The following IL1RAPL2 variants were observed in gnomAD, a reference collection of about 807,000 sequenced individuals.
IL1RAPL2 encodes interleukin 1 receptor accessory protein like 2, also known as X-linked interleukin-1 receptor accessory protein-like 2.
Under a neutral mutation model 44.1 loss-of-function variants are expected in IL1RAPL2, and 3 were observed. That is an observed-to-expected ratio of 0.07 (90% CI 0.03 to 0.18). The LOEUF is 0.18. Ranked by LOEUF, IL1RAPL2 falls within the 10% of genes least tolerant of loss-of-function variation. IL1RAPL2 has a pLI of 1.00. For synonymous variants in IL1RAPL2, 181 were observed against 178.8 expected (o/e 1.01, Z -0.10); for missense variants, 391 against 496.4 (o/e 0.79, Z 2.02).
Position 104,582,719 on chromosome X carries a change from TTC to T in IL1RAPL2, c.-20+15679_-20+15680del, listed in dbSNP as rs759634601. ...CTCTCTCTCTCCTTTATTTCTTTCT[TTC>T]TCTCTCTCTCCCTTCCTTCCTTCCT... On this transcript the variant is annotated intron_variant, in intron 1 of 10. Transcript: ENST00000372582. Among the ~76,000 whole-genome samples, 402 of 95,414 alleles carry T rather than the reference TTC, an allele frequency of 4.2e-3. 2 individuals carry two copies. The highest frequency in any genetic ancestry group is 0.015 in the African/African-American group (377 of 24,570). The allele number at this position is 95,414 out of a possible 115,157, so 82.9% of individuals were successfully genotyped here.
chrX:105,352,097 A>G (rs1489942616), intron 5 of IL1RAPL2, among the ~76,000 whole-genome samples: 2 of 102,438 alleles, frequency 2.0e-5, no homozygotes, highest in Non-Finnish European at 3.8e-5. Context: ...TAATTTAAAA[A>G]ACAATTTTTT....
At chrX:104,945,861 CT>C (rs1487579032) in intron 2 of IL1RAPL2, among the ~76,000 whole-genome samples, 9 of 110,251 alleles carry the variant, frequency 8.2e-5, no homozygotes, top group Non-Finnish European at 1.7e-4. Flanking sequence ...CTATATAGAC[CT>C]TTTTTGAACT....
At chrX:105,520,195 T>G (rs1030552576) in intron 6 of IL1RAPL2, among the ~76,000 whole-genome samples, 1 of 111,755 alleles carries the variant, frequency 8.9e-6, no homozygotes, top group South Asian at 3.7e-4. Flanking sequence ...GAATTAAGTG[T>G]TGGGAATGGA....
At chrX:105,738,277 C>T (rs891571075) in intron 7 of IL1RAPL2, among the ~76,000 whole-genome samples, 4 of 111,657 alleles carry the variant, frequency 3.6e-5, no homozygotes, top group Non-Finnish European at 7.5e-5. Flanking sequence ...CCCATTTTAC[C>T]CTTACAACAA....
intron 2 of IL1RAPL2, among the ~76,000 whole-genome samples, chrX:105,157,670 C>T (rs771244295): frequency 8.9e-6 from 1 of 111,834 alleles, no homozygotes; most frequent in South Asian, 3.7e-4. Context: ...TAGAAAAGCA[C>T]TTAGACAGAT....
chrX:104,643,173 C>T (rs1929967921), intron 1 of IL1RAPL2, among the ~76,000 whole-genome samples: 1 of 111,399 alleles, frequency 9.0e-6, no homozygotes, highest in Non-Finnish European at 1.9e-5. Context: ...TGTTGATCAG[C>T]AAAAGGGGGA....
intron 6 of IL1RAPL2, among the ~76,000 whole-genome samples, chrX:105,520,006 A>G (rs1470423780): frequency 2.7e-5 from 3 of 111,850 alleles, no homozygotes; most frequent in Admixed American, 9.5e-5. Context: ...CATTAAATGG[A>G]AGCTACCAAA....
chrX:104,697,200 C>G (rs1931195945), intron 2 of IL1RAPL2, among the ~76,000 whole-genome samples: 1 of 112,550 alleles, frequency 8.9e-6, no homozygotes, highest in Admixed American at 9.4e-5. Flanking sequence ...GCTGCCCTTG[C>G]ATGAGCCGGG....
At chrX:105,577,045 T>G (rs976121678) in intron 6 of IL1RAPL2, among the ~76,000 whole-genome samples, 1 of 111,274 alleles carries the variant, frequency 9.0e-6, no homozygotes, top group Admixed American at 9.6e-5. Context: ...GAGTAGGACT[T>G]TTTCCCACAA....
At chrX:105,129,026 G>A (rs1350714777) in intron 2 of IL1RAPL2, among the ~76,000 whole-genome samples, 4 of 111,201 alleles carry the variant, frequency 3.6e-5, no homozygotes, top group Non-Finnish European at 7.6e-5. Flanking sequence ...CCAACTGAGA[G>A]TATATCTCTT....
At chrX:105,355,698 A>G (rs1474687529) in intron 5 of IL1RAPL2, among the ~76,000 whole-genome samples, 1 of 111,092 alleles carries the variant, frequency 9.0e-6, no homozygotes, top group Non-Finnish European at 1.9e-5. Context: ...TTCCTCTTAT[A>G]CTGTTGAGAC....
intron 2 of IL1RAPL2, among the ~76,000 whole-genome samples, chrX:104,673,931 T>C (rs1930679063): frequency 9.0e-6 from 1 of 110,777 alleles, no homozygotes; most frequent in Admixed American, 9.6e-5. Flanking sequence ...ATGCTTGTGA[T>C]TTTTGTACAT....
At chrX:104,943,427 T>G in intron 2 of IL1RAPL2, among the ~76,000 whole-genome samples, 1 of 112,232 alleles carries the variant, frequency 8.9e-6, no homozygotes, top group Non-Finnish European at 1.9e-5. Context: ...TTATCTTGCT[T>G]CCAAATTCTG....
At chrX:105,238,571 A>G (rs2034142112) in intron 4 of IL1RAPL2, among the ~76,000 whole-genome samples, 1 of 110,704 alleles carries the variant, frequency 9.0e-6, no homozygotes, top group African/African-American at 3.3e-5. Flanking sequence ...GGAGAAAAAG[A>G]CAAAACCCAG....
intron 2 of IL1RAPL2, among the ~76,000 whole-genome samples, chrX:104,827,860 T>G (rs970107967): frequency 8.9e-6 from 1 of 111,804 alleles, no homozygotes; most frequent in Non-Finnish European, 1.9e-5. Flanking sequence ...GTCTTCAAAC[T>G]TTATTTCATT....
At chrX:104,943,994 G>A (rs1925274389) in intron 2 of IL1RAPL2, among the ~76,000 whole-genome samples, 1 of 111,519 alleles carries the variant, frequency 9.0e-6, no homozygotes, top group South Asian at 3.8e-4. Context: ...CCTAAAAGTG[G>A]CTCCTCATGT....
chrX:105,340,343 C>T (rs962204663), intron 5 of IL1RAPL2, among the ~76,000 whole-genome samples: 3 of 111,444 alleles, frequency 2.7e-5, no homozygotes, highest in Non-Finnish European at 3.8e-5. Flanking sequence ...CTGAGGACTC[C>T]TCACCACTCT....
At chrX:104,925,652 C>T (rs1466856267) in intron 2 of IL1RAPL2, among the ~76,000 whole-genome samples, 3 of 111,737 alleles carry the variant, frequency 2.7e-5, no homozygotes, top group Non-Finnish European at 5.6e-5. Flanking sequence ...ATTCAACATC[C>T]TTTCATGTTA....
At chrX:105,029,140 A>T (rs185086835) in intron 2 of IL1RAPL2, among the ~76,000 whole-genome samples, 34 of 107,973 alleles carry the variant, frequency 3.1e-4, no homozygotes, top group Admixed American at 2.7e-3. Flanking sequence ...GTTTTCTCAT[A>T]TCTCAATTTT....
Sources: allele counts gnomAD v4.1 joint callset (sites outside exome capture counted in the v4.1 genomes callset), GRCh38; gene constraint gnomAD v4.1.1; transcripts MANE v1.5; gene names NCBI Gene and HGNC (gene_info 2026-07-23, HGNC 2026-07-21).